The following MEIKIN variants were observed in gnomAD, a reference collection of about 807,000 sequenced individuals.
The protein encoded by MEIKIN is meiotic kinetochore factor, also known as meiosis-specific kinetochore protein.
intron 6 of MEIKIN, among the ~76,000 whole-genome samples, chr5:131,920,612 A>T (rs1339237158): frequency 6.6e-6 from 1 of 152,240 alleles, no homozygotes; most frequent in Non-Finnish European, 1.5e-5. Flanking sequence ...ATGGGGGGAC[A>T]TCATGAACCC....
intron 8 of MEIKIN, among the ~76,000 whole-genome samples, chr5:131,880,084 T>C (rs1750679507): frequency 6.6e-6 from 1 of 151,542 alleles, no homozygotes; most frequent in Non-Finnish European, 1.5e-5. Context: ...CACGCCCAGC[T>C]AATATATATA....
chr5:131,935,563 A>G (rs1751763768), intron 4 of MEIKIN, among the ~76,000 whole-genome samples: 1 of 151,864 alleles, frequency 6.6e-6, no homozygotes, highest in South Asian at 2.1e-4. Flanking sequence ...AACATTTCCA[A>G]TATGACAAGA....
At chr5:131,933,452 T>C (rs750959915) in intron 5 of MEIKIN, 61 bp downstream of exon 5, 44 of 393,690 alleles carry the variant, frequency 1.1e-4, no homozygotes, top group Middle Eastern at 6.4e-4. Flanking sequence ...CATTGGAGGA[T>C]TTGTGGACAA....
At chr5:131,810,044 A>T (rs73788770) in intron 12 of MEIKIN, among the ~76,000 whole-genome samples, 1 of 152,156 alleles carries the variant, frequency 6.6e-6, no homozygotes, top group African/African-American at 2.4e-5. Context: ...AAAATTCAGA[A>T]AGTTTAAGGA....
At chr5:131,896,499 T>G (rs866275499) in intron 8 of MEIKIN, among the ~76,000 whole-genome samples, 4 of 152,198 alleles carry the variant, frequency 2.6e-5, no homozygotes, top group African/African-American at 9.7e-5. Context: ...TCTCCCATTA[T>G]TATTGTGTGG....
intron 11 of MEIKIN, among the ~76,000 whole-genome samples, chr5:131,821,445 G>A (rs539252593): frequency 2.6e-5 from 4 of 152,132 alleles, no homozygotes; most frequent in African/African-American, 4.8e-5. Context: ...TGATTCATGC[G>A]TTGAGGAGAA....
intron 8 of MEIKIN, among the ~76,000 whole-genome samples, chr5:131,895,330 G>T (rs1163383340): frequency 6.6e-6 from 1 of 152,198 alleles, no homozygotes; most frequent in African/African-American, 2.4e-5. Flanking sequence ...GTTCATCAGG[G>T]ATATTGGTCT....
At chr5:131,835,802 C>G (rs1749795367) in intron 11 of MEIKIN, among the ~76,000 whole-genome samples, 3 of 152,156 alleles carry the variant, frequency 2.0e-5, no homozygotes, top group Admixed American at 2.0e-4. Flanking sequence ...ACTGTGTTAG[C>G]CAGGATGGTC....
intron 12 of MEIKIN, among the ~76,000 whole-genome samples, chr5:131,818,365 ATCTG>A (rs749173057): frequency 7.6e-4 from 116 of 152,358 alleles, no homozygotes; most frequent in Non-Finnish European, 1.5e-3. Context: ...AAGATAAAGT[ATCTG>A]TCTTTCAAAA....
intron 11 of MEIKIN, among the ~76,000 whole-genome samples, chr5:131,829,543 C>A (rs1340546810): frequency 6.6e-6 from 1 of 152,042 alleles, no homozygotes; most frequent in African/African-American, 2.4e-5. Context: ...TTTGGTGAAT[C>A]TGAAGATCTA....
intron 11 of MEIKIN, among the ~76,000 whole-genome samples, chr5:131,847,004 C>T (rs576655002): frequency 6.6e-6 from 1 of 152,160 alleles, no homozygotes; most frequent in African/African-American, 2.4e-5. Flanking sequence ...TAACTTCAGA[C>T]TGCTAAAGGT....
chr5:131,807,790 C>A (rs1772873357), intron 12 of MEIKIN, among the ~76,000 whole-genome samples: 1 of 152,262 alleles, frequency 6.6e-6, no homozygotes, highest in African/African-American at 2.4e-5. Context: ...ACCTAGTTAA[C>A]ACTGCCACTT....
At chr5:131,833,299 C>G (rs1000894548) in intron 11 of MEIKIN, among the ~76,000 whole-genome samples, 1 of 152,176 alleles carries the variant, frequency 6.6e-6, no homozygotes, top group African/African-American at 2.4e-5. Context: ...TAAAACATAA[C>G]AAGAGTCACC....
At chr5:131,878,705 C>CA (rs1026206101) in intron 9 of MEIKIN, among the ~76,000 whole-genome samples, 1 of 151,280 alleles carries the variant, frequency 6.6e-6, no homozygotes, top group Non-Finnish European at 1.5e-5. Flanking sequence ...CCCATCTTTA[C>CA]AAAAAAAATT....
Position 131,822,641 on chromosome 5 carries a change from T to C in MEIKIN, c.976-3778A>G, listed in dbSNP as rs139464336. Among the ~76,000 whole-genome samples the C allele has an allele frequency of 1.7e-4, 26 of 152,372 alleles. No homozygotes were observed. The East Asian group carries it at 4.6e-3, about 27-fold the overall frequency. On this transcript the variant is annotated intron_variant, in intron 11 of 12. Transcript: ENST00000442687. ...TCTTTATGTCTTATTGTACTGTCTA[T>C]GTCTTGAAAAGTTGTAGTTATGATT...
At chr5:131,939,987 G>C (rs1751842184) in intron 4 of MEIKIN, among the ~76,000 whole-genome samples, 2 of 152,188 alleles carry the variant, frequency 1.3e-5, no homozygotes, top group South Asian at 4.1e-4. Flanking sequence ...CTTTGAAACT[G>C]TATTCCAAGC....
intron 4 of MEIKIN, among the ~76,000 whole-genome samples, chr5:131,941,967 C>T (rs551317759): frequency 8.9e-4 from 135 of 152,250 alleles, no homozygotes; most frequent in African/African-American, 3.2e-3. Flanking sequence ...TGTCACCACC[C>T]TAGTAGAAGG....
Position 131,818,871 on chromosome 5 carries a change from AG to A in MEIKIN, c.976-9del. On this transcript the variant is annotated splice_polypyrimidine_tract_variant and intron_variant, in intron 11 of 12. Transcript: ENST00000442687. ...TGATGCATTTGCAGGAAACTGGAAA[AG>A]AAAAAAAGCAGATATTGCATAATTC... 2.5e-6 allele frequency: 1 copy of A among 397,606 alleles called. No individual in the cohort carries two copies. The highest frequency in any genetic ancestry group is 4.4e-6 in the Non-Finnish European group (1 of 225,434). 24.6% of individuals were successfully genotyped at this position (397,606 alleles called of 1,614,324 possible).
At chr5:131,936,246 T>C (rs941192134) in intron 4 of MEIKIN, among the ~76,000 whole-genome samples, 4 of 152,380 alleles carry the variant, frequency 2.6e-5, no homozygotes, top group Admixed American at 6.5e-5. Context: ...TTTATCAAAT[T>C]GTTCATTGTT....
Sources: gnomAD v4.1 joint callset for allele counts (sites outside exome capture counted in the v4.1 genomes callset) on GRCh38, gnomAD v4.1.1 for gene constraint, MANE v1.5 for transcripts, NCBI Gene and HGNC (gene_info 2026-07-23, HGNC 2026-07-21) for gene names.